Variants in CRPPA observed in about 807,000 individuals in gnomAD.
CRPPA encodes CDP-L-ribitol pyrophosphorylase A, also known as D-ribitol-5-phosphate cytidylyltransferase.
A neutral mutation model predicts 52.0 loss-of-function variants in CRPPA; 43 were observed. The ratio of observed to expected loss-of-function variants is 0.83; its 90% confidence interval spans 0.65 to 1.07. The LOEUF is 1.07. Ranked by LOEUF, CRPPA falls within the 50% of genes least tolerant of loss-of-function variation. CRPPA has a pLI of 0.00. For missense variants in CRPPA, 629 were observed against 551.7 expected (o/e 1.14, Z -1.40); for synonymous variants, 250 against 203.5 (o/e 1.23, Z -1.94).
At chr7:16,414,394 CA>C (rs1788141715) in intron 1 of CRPPA, among the ~76,000 whole-genome samples, 5 of 120,384 alleles carry the variant, frequency 4.2e-5, no homozygotes, top group Non-Finnish European at 6.9e-5. Context: ...CACACACACA[CA>C]CACACACCCC....
In CRPPA at chr7:16,216,093, T is replaced by A. The variant is rs931469039; in HGVS notation, c.1224A>T (p.Leu408Phe). Residue 408 changes from leucine to phenylalanine, a missense_variant, in exon 9 of 10, where the codon TTA becomes TTT. Coordinates refer to ENST00000407010, the MANE Select transcript of CRPPA (RefSeq NM_001101426.4). ...GTGGGTAAGATATGAGAAGCCCATA[T>A]AACAAAATATTTCTTTCTTTTACTT... is the stretch of plus-strand genomic sequence containing the variant. Reference protein sequence around the residue: ...AKEVKERNILLYGLLISYPQD... With the variant: ...AKEVKERNILFYGLLISYPQD... 4.4e-6 allele frequency: 7 copies of A among 1,599,524 alleles called. No individual in the cohort carries two copies. In the Admixed American group the frequency reaches 5.2e-5, roughly 12 times the overall value.
chr7:16,391,671 A>T lies in CRPPA; in HGVS notation c.534+14390T>A, dbSNP rs1465224192. 3.3e-5 allele frequency among the ~76,000 whole-genome samples: 5 copies of T among 152,300 alleles called. No individual in the cohort carries two copies. In the East Asian group the frequency reaches 7.7e-4, roughly 24 times the overall value. On this transcript the variant is annotated intron_variant, in intron 2 of 9. Transcript: ENST00000407010. ...GCCACATGTGACTAGTAGCTTAGGT[A>T]CTAGACAGTGGAGTTAGCCTATTTC...
rs557622237 is a variant in CRPPA, at chr7:16,310,203, C to T, written c.685-1576G>A. On this transcript the variant is annotated intron_variant, in intron 3 of 9. Transcript: ENST00000407010. ...TCATTGATCACATGAGAAACACACA[C>T]GCAAACAGACAGACACTGAAAACCA... Among the ~76,000 whole-genome samples, 35 of 152,170 alleles carry T rather than the reference C, an allele frequency of 2.3e-4. No homozygotes were observed. In the East Asian group the frequency reaches 5.0e-3, roughly 22 times the overall value.
At chr7:16,222,494 G>A (rs533336524) in intron 8 of CRPPA, among the ~76,000 whole-genome samples, 12 of 150,788 alleles carry the variant, frequency 8.0e-5, no homozygotes, top group East Asian at 2.0e-4. Flanking sequence ...ATTCTATTTC[G>A]CTTACAGTCA....
At chr7:16,123,802 G>T (rs1233128965) in intron 9 of CRPPA, among the ~76,000 whole-genome samples, 1 of 151,992 alleles carries the variant, frequency 6.6e-6, no homozygotes, top group African/African-American at 2.4e-5. Flanking sequence ...ACAAAAATAT[G>T]GAAAGGTTTT....
intron 9 of CRPPA, among the ~76,000 whole-genome samples, chr7:16,148,908 C>T (rs533184474): frequency 6.6e-6 from 1 of 152,020 alleles, no homozygotes; most frequent in Non-Finnish European, 1.5e-5. Flanking sequence ...TATATGTGTA[C>T]CAAAATATCA....
chr7:16,160,877 C>A (rs1783288656), intron 9 of CRPPA, among the ~76,000 whole-genome samples: 1 of 152,174 alleles, frequency 6.6e-6, no homozygotes, highest in Non-Finnish European at 1.5e-5. Context: ...AGGTCCTTCA[C>A]ATCTCTTGTG....
In CRPPA at chr7:16,089,585, G is replaced by A. The variant is rs1027283531; in HGVS notation, c.*2110C>T. 2 of 230,918 alleles carry A rather than the reference G, an allele frequency of 8.7e-6. No individual in the cohort carries two copies. The highest frequency in any genetic ancestry group is 4.4e-5 in the African/African-American group (2 of 45,560). 14.3% of individuals were successfully genotyped at this position (230,918 alleles called of 1,614,324 possible). A position where few individuals can be genotyped will look rare whatever the true frequency, so the allele number is the denominator to read the frequency against. ...TATATACATATATATGGGTATACAT[G>A]CATGTATATACATATATATGGGTAT... On this transcript the variant is annotated 3_prime_UTR_variant, in exon 10 of 10. Coordinates refer to ENST00000407010, the MANE Select transcript of CRPPA (RefSeq NM_001101426.4).
At chr7:16,262,458 T>C (rs17361790) in intron 6 of CRPPA, among the ~76,000 whole-genome samples, 57,524 of 152,056 alleles carry the variant, frequency 0.38, 11,127 homozygotes, top group Admixed American at 0.49. Flanking sequence ...TTTTCAATTT[T>C]TAACCTTGAA....
At chr7:16,296,590 A>C (rs1295570300) in intron 5 of CRPPA, among the ~76,000 whole-genome samples, 1 of 152,124 alleles carries the variant, frequency 6.6e-6, no homozygotes, top group Admixed American at 6.6e-5. Context: ...CAGGAAGGAC[A>C]CTTAAAAAAA....
At chr7:16,254,796 A>AGAAG (rs1204888574) in intron 8 of CRPPA, among the ~76,000 whole-genome samples, 2,468 of 48,970 alleles carry the variant, frequency 0.05, 31 homozygotes, top group Non-Finnish European at 0.089. Context: ...AAAGAAGGAA[A>AGAAG]GAAAGAAAGA....
At chr7:16,281,577 GC>G in intron 5 of CRPPA, among the ~76,000 whole-genome samples, 1 of 152,046 alleles carries the variant, frequency 6.6e-6, no homozygotes, top group Admixed American at 6.5e-5. Context: ...TACTTATAAG[GC>G]CCTGTCATAT....
chr7:16,283,777 C>A (rs1239951646), intron 5 of CRPPA, among the ~76,000 whole-genome samples: 2 of 151,824 alleles, frequency 1.3e-5, no homozygotes, highest in African/African-American at 4.8e-5. Context: ...CAAACCCACA[C>A]AAATACTACT....
At chr7:16,317,965 C>T (rs1273935378) in intron 3 of CRPPA, among the ~76,000 whole-genome samples, 22 of 152,140 alleles carry the variant, frequency 1.4e-4, no homozygotes, top group Non-Finnish European at 2.9e-5. Flanking sequence ...TGACCCTTGT[C>T]TTCACTTGAA....
chr7:16,349,135 C>T (rs557101537), intron 3 of CRPPA, among the ~76,000 whole-genome samples: 3 of 152,282 alleles, frequency 2.0e-5, no homozygotes, highest in South Asian at 4.1e-4. Context: ...AACTAGAAGA[C>T]CATCCAACAC....
intron 3 of CRPPA, among the ~76,000 whole-genome samples, chr7:16,320,169 C>A (rs1260129515): frequency 6.6e-6 from 1 of 152,038 alleles, no homozygotes; most frequent in East Asian, 1.9e-4. Context: ...GAGTTATGAG[C>A]AAAATTAGGT....
At chr7:16,093,177 T>A (rs1781869835) in intron 9 of CRPPA, among the ~76,000 whole-genome samples, 1 of 152,158 alleles carries the variant, frequency 6.6e-6, no homozygotes. Context: ...AATTTTTCAT[T>A]TTATCTATGA....
chr7:16,143,847 A>G (rs898047761), intron 9 of CRPPA, among the ~76,000 whole-genome samples: 4 of 152,190 alleles, frequency 2.6e-5, no homozygotes, highest in Non-Finnish European at 4.4e-5. Context: ...CCTCAACTAC[A>G]TTGGTCACAA....
At chr7:16,360,441 T>A (rs1259481947) in intron 3 of CRPPA, among the ~76,000 whole-genome samples, 5 of 152,054 alleles carry the variant, frequency 3.3e-5, no homozygotes, top group Non-Finnish European at 7.4e-5. Context: ...AAGTTGGAGG[T>A]CTTATACTTC....
Sources: allele counts gnomAD v4.1 joint callset (sites outside exome capture counted in the v4.1 genomes callset), GRCh38; gene constraint gnomAD v4.1.1; transcripts MANE v1.5; gene names NCBI Gene and HGNC (gene_info 2026-07-23, HGNC 2026-07-21).